Variants in SHLD1 observed in about 807,000 individuals in gnomAD.
SHLD1 encodes the protein RINN1-REV7-interacting novel NHEJ regulator 3.
A neutral mutation model predicts 5.5 loss-of-function variants in SHLD1; 3 were observed. That is an observed-to-expected ratio of 0.54 (90% CI 0.25 to 1.40). SHLD1 has a LOEUF of 1.40. SHLD1 is among the 40% of genes most tolerant of loss of function. The pLI is 0.15. For missense variants in SHLD1, 210 were observed against 244.4 expected, an observed-to-expected ratio of 0.86 and a Z score of 0.94; for synonymous variants, 92 against 94.3, an observed-to-expected ratio of 0.98 and a Z score of 0.14.
chr20:5,844,790 TATA>T (rs1222984070), intron 2 of SHLD1, among the ~76,000 whole-genome samples: 1,470 of 107,700 alleles, frequency 0.014, 55 homozygotes, highest in East Asian at 0.11. Flanking sequence ...TATATATATA[TATA>T]TATATATTTT....
chr20:5,830,641 T>C (rs1005580279), intron 2 of SHLD1, among the ~76,000 whole-genome samples: 11 of 150,708 alleles, frequency 7.3e-5, no homozygotes, highest in Admixed American at 2.0e-4. Flanking sequence ...TGAGCCGAGA[T>C]TGCGCCATTG....
chr20:5,776,076 C>T (rs1045250376), intron 2 of SHLD1, among the ~76,000 whole-genome samples: 4 of 151,704 alleles, frequency 2.6e-5, no homozygotes, highest in African/African-American at 7.3e-5. Context: ...TACAGGTGAG[C>T]GCAACCACAC....
intron 2 of SHLD1, among the ~76,000 whole-genome samples, chr20:5,825,142 T>C (rs1265276554): frequency 2.6e-5 from 4 of 152,212 alleles, no homozygotes; most frequent in Non-Finnish European, 4.4e-5. Context: ...CTCTTGCACA[T>C]AAAAAATGAG....
intron 2 of SHLD1, among the ~76,000 whole-genome samples, chr20:5,799,637 A>G (rs370770282): frequency 9.2e-5 from 14 of 152,256 alleles, no homozygotes; most frequent in African/African-American, 2.9e-4. Flanking sequence ...GGCCAGCTCA[A>G]ATTCAAAGAG....
At chr20:5,798,795 T>C (rs918065082) in intron 2 of SHLD1, among the ~76,000 whole-genome samples, 1 of 151,102 alleles carries the variant, frequency 6.6e-6, no homozygotes, top group Non-Finnish European at 1.5e-5. Context: ...TTTTTTTGTA[T>C]TTTTAATAGA....
At chr20:5,787,593 TCACA>T (rs2087077319) in intron 2 of SHLD1, among the ~76,000 whole-genome samples, 1 of 152,234 alleles carries the variant, frequency 6.6e-6, no homozygotes, top group Non-Finnish European at 1.5e-5. Context: ...CCTGGCCTAA[TCACA>T]CAATGCCTGC....
At chr20:5,800,881 GGAA>G (rs775569885) in intron 2 of SHLD1, among the ~76,000 whole-genome samples, 4 of 151,946 alleles carry the variant, frequency 2.6e-5, no homozygotes, top group Non-Finnish European at 4.4e-5. Context: ...CTCCTGAAAA[GGAA>G]GAAGAGGTGA....
At chr20:5,753,579 G>A (rs1441575173) in intron 1 of SHLD1, among the ~76,000 whole-genome samples, 4 of 152,296 alleles carry the variant, frequency 2.6e-5, no homozygotes, top group Middle Eastern at 3.4e-3. Context: ...GGTAAATGCC[G>A]GCAGCTGTGC....
At chr20:5,828,484 G>A (rs2087691848) in intron 2 of SHLD1, among the ~76,000 whole-genome samples, 1 of 130,826 alleles carries the variant, frequency 7.6e-6, no homozygotes, top group African/African-American at 2.5e-5. Context: ...CCTGCTGCTG[G>A]AAGGAGTCAT....
intron 2 of SHLD1, among the ~76,000 whole-genome samples, chr20:5,818,370 C>T (rs1337231976): frequency 1.3e-5 from 2 of 152,222 alleles, no homozygotes; most frequent in African/African-American, 4.8e-5. Context: ...GCCACTGCAC[C>T]AGGCCATTTT....
chr20:5,798,177 G>C (rs1327960033), intron 2 of SHLD1, among the ~76,000 whole-genome samples: 1 of 152,228 alleles, frequency 6.6e-6, no homozygotes, highest in Non-Finnish European at 1.5e-5. Context: ...TGGGCTGTCA[G>C]CTGAAGTGGC....
intron 2 of SHLD1, among the ~76,000 whole-genome samples, chr20:5,842,750 T>C (rs2174226): frequency 1.3e-3 from 199 of 152,324 alleles, no homozygotes; most frequent in African/African-American, 4.5e-3. Context: ...CTAATTATCT[T>C]TCCACTGGAC....
chr20:5,758,765 C>T (rs138015227), intron 1 of SHLD1, among the ~76,000 whole-genome samples: 1 of 151,856 alleles, frequency 6.6e-6, no homozygotes, highest in African/African-American at 2.4e-5. Context: ...AGGATAGGAA[C>T]AGGCAAAGAG....
At position 5,802,608 on chromosome 20, in the gene SHLD1, T is replaced by G. The variant is rs116045544; in HGVS notation, c.178+29565T>G. ...CTCCTCCAAGCTATATCCATGTCTT[T>G]TCTTTTCTTCTTTCCTTCCTTTCTT... On this transcript the variant is annotated intron_variant, in intron 2 of 2. Coordinates refer to ENST00000303142, the MANE Select transcript of SHLD1 (RefSeq NM_152504.4). Among the ~76,000 whole-genome samples the G allele has an allele frequency of 8.7e-3, 1,318 of 152,204 alleles. 13 individuals carry two copies. Among genetic ancestry groups the G allele is most frequent in the African/African-American group, 0.029 (1,222 of 41,528 alleles).
chr20:5,757,970 A>AAT (rs1984217618), intron 1 of SHLD1, among the ~76,000 whole-genome samples: 2 of 152,068 alleles, frequency 1.3e-5, no homozygotes, highest in African/African-American at 2.4e-5. Flanking sequence ...TTAGAGTATG[A>AAT]TCCTCTTATA....
intron 1 of SHLD1, among the ~76,000 whole-genome samples, chr20:5,761,676 C>T (rs530230369): frequency 1.2e-4 from 18 of 147,138 alleles, no homozygotes; most frequent in African/African-American, 2.8e-4. Flanking sequence ...GGTGTGATAT[C>T]GGCTCACTGC....
chr20:5,812,526 T>C (rs1301719868), intron 2 of SHLD1, among the ~76,000 whole-genome samples: 2 of 152,210 alleles, frequency 1.3e-5, no homozygotes, highest in African/African-American at 4.8e-5. Flanking sequence ...GAGTGGCCTC[T>C]TGTAAGACAA....
chr20:5,862,989 T>C (rs2088181919), intron 2 of SHLD1, 35 bp from the exon 3 acceptor site: 3 of 1,516,186 alleles, frequency 2.0e-6, no homozygotes, highest in South Asian at 1.3e-5. Context: ...TTTTTGATTG[T>C]GTGTTTGAGT....
At chr20:5,807,956 G>A (rs571070426) in intron 2 of SHLD1, among the ~76,000 whole-genome samples, 21 of 152,098 alleles carry the variant, frequency 1.4e-4, no homozygotes, top group African/African-American at 3.6e-4. Context: ...TTAAAAAATC[G>A]TTATAAAAAT....
Sources: gnomAD v4.1 joint callset for allele counts (sites outside exome capture counted in the v4.1 genomes callset) on GRCh38, gnomAD v4.1.1 for gene constraint, MANE v1.5 for transcripts, NCBI Gene and HGNC (gene_info 2026-07-23, HGNC 2026-07-21) for gene names.